The following UGT1A1 variants were observed in gnomAD, a reference collection of about 807,000 sequenced individuals.
UGT1A1 encodes the protein UDP-glucuronosyltransferase 1A1.
Under a neutral mutation model 40.6 loss-of-function variants are expected in UGT1A1, and 33 were observed. That is an observed-to-expected ratio of 0.81 (90% CI 0.62 to 1.09). The LOEUF is 1.09. Ranked by LOEUF, UGT1A1 falls within the 50% of genes least tolerant of loss-of-function variation. UGT1A1 has a pLI of 0.00. For missense variants in UGT1A1, 694 were observed against 671.2 expected (o/e 1.03, Z -0.38); for synonymous variants, 249 against 265.0 (o/e 0.94, Z 0.59).
Position 233,772,859 on chromosome 2 carries a change from T to C in UGT1A1, c.*300T>C. 1.4e-6 allele frequency: 1 copy of C among 698,172 alleles called. No homozygotes were observed. Among genetic ancestry groups the C allele is most frequent in the Non-Finnish European group, 2.1e-6 (1 of 477,226 alleles). The allele number at this position is 698,172 out of a possible 1,614,324, so 43.2% of individuals were successfully genotyped here. On this transcript the variant is annotated 3_prime_UTR_variant, in exon 5 of 5. Transcript: ENST00000305208. ...AGATTACTTTTCTTACTCTGAAACA[T>C]GGCCTGTTTGGGAGTGCGGGATTCA...
chr2:233,761,777 C>T (rs1456855794), intron 1 of UGT1A1, among the ~76,000 whole-genome samples: 1 of 152,206 alleles, frequency 6.6e-6, no homozygotes, highest in Non-Finnish European at 1.5e-5. Context: ...TTCACATCCT[C>T]ATCGAAATCT....
Position 233,769,401 on chromosome 2 carries a change from G to A in UGT1A1, c.1304+962G>A. On this transcript the variant is annotated intron_variant, in intron 4 of 4. Coordinates refer to ENST00000305208, the MANE Select transcript of UGT1A1 (RefSeq NM_000463.3). This position sits in a 1 kb window ranked among gnomAD's most constrained non-coding sequence, Gnocchi z 4.4. ...CCGACAATAGATACTGTGTGCATATGTGCGTGTGCGTTTGTGCATGTGGCT... is the reference window on the plus strand; with the variant it reads ...CCGACAATAGATACTGTGTGCATATATGCGTGTGCGTTTGTGCATGTGGCT... 1 of 1,194,732 alleles carries A rather than the reference G, an allele frequency of 8.4e-7. No homozygotes were observed. 74.0% of individuals were successfully genotyped at this position (1,194,732 alleles called of 1,614,324 possible).
chr2:233,767,698 C>T (rs1699451194), intron 2 of UGT1A1, 151 bp from the exon 3 acceptor site: 8 of 1,500,274 alleles, frequency 5.3e-6, no homozygotes, highest in Non-Finnish European at 6.2e-6. Flanking sequence ...CGGAAGTTGC[C>T]AGTCCTCAGA....
chr2:233,768,483 T>A (rs373208475), intron 4 of UGT1A1, 44 bp downstream of exon 4: 16 of 1,586,602 alleles, frequency 1.0e-5, no homozygotes, highest in Non-Finnish European at 1.4e-5. Flanking sequence ...ATGGCATTCA[T>A]GATAAAATTG....
intron 1 of UGT1A1, among the ~76,000 whole-genome samples, chr2:233,764,582 C>G (rs1698598624): frequency 6.6e-6 from 1 of 152,122 alleles, no homozygotes; most frequent in South Asian, 2.1e-4. Context: ...TAGACTCGGC[C>G]TTTTCCAGAT....
intron 1 of UGT1A1, among the ~76,000 whole-genome samples, chr2:233,766,658 C>A (rs1575821914): frequency 6.6e-6 from 1 of 152,166 alleles, no homozygotes; most frequent in Admixed American, 6.5e-5. Flanking sequence ...AAAGGGACCA[C>A]GCCCTTCCCA....
intron 1 of UGT1A1, among the ~76,000 whole-genome samples, chr2:233,765,887 T>C (rs1279202147): frequency 1.3e-5 from 2 of 152,030 alleles, no homozygotes; most frequent in African/African-American, 2.4e-5. Flanking sequence ...ACTTTCTCAG[T>C]GCGCCACTGC....
chr2:233,769,456 T>C lies in UGT1A1; in HGVS notation c.1304+1017T>C, dbSNP rs1699869173. On this transcript the variant is annotated intron_variant, in intron 4 of 4. Coordinates refer to ENST00000305208, the MANE Select transcript of UGT1A1 (RefSeq NM_000463.3). This position sits in a 1 kb window ranked among gnomAD's most constrained non-coding sequence, Gnocchi z 4.4. ...TCATGTGTGGGTGCACACGTGTGCA[T>C]TCATATGCGTGTGTGTGTGTGTGCG... 2 of 1,598,818 alleles carry C rather than the reference T, an allele frequency of 1.3e-6. No homozygotes were observed. The highest frequency in any genetic ancestry group is 2.2e-5 in the East Asian group (1 of 44,796).
chr2:233,772,509 T>C lies in UGT1A1; in HGVS notation c.1552T>C (p.Leu518=). 1.9e-6 allele frequency: 3 copies of C among 1,614,170 alleles called. No individual in the cohort carries two copies. Among genetic ancestry groups the C allele is most frequent in the Middle Eastern group, 1.6e-4 (1 of 6,062 alleles). ...TTGTGCTTATGGCTACCGGAAATGC[T>C]TGGGGAAAAAAGGGCGAGTTAAGAA... The part of the protein sequence containing the change: ...KCCAYGYRKC[L]GKKGRVKKAH... Residue 518 remains leucine, a synonymous_variant, in exon 5 of 5, where the codon TTG becomes CTG. Transcript: ENST00000305208.
At chr2:233,767,365 A>C (rs559747453) in intron 2 of UGT1A1, among the ~76,000 whole-genome samples, 200 bp downstream of exon 2, 45 of 152,316 alleles carry the variant, frequency 3.0e-4, no homozygotes, top group Non-Finnish European at 4.4e-4. Flanking sequence ...ATACTCTATT[A>C]AACTATGATC....
intron 1 of UGT1A1, among the ~76,000 whole-genome samples, chr2:233,762,481 T>C (rs948381917): frequency 6.6e-6 from 1 of 152,238 alleles, no homozygotes; most frequent in African/African-American, 2.4e-5. Context: ...ATCACTCCAG[T>C]TTTAAATGCT....
chr2:233,760,733 T>G lies in UGT1A1; in HGVS notation c.446T>G (p.Leu149Arg). ...SLAESSFDVM[L>R]TDPFLPCSPI... ...GCAGAAAGCAGCTTTGATGTCATGC[T>G]GACGGACCCTTTCCTTCCTTGCAGC... The change falls in exon 1 of 5, where the codon CTG (leucine) becomes CGG (arginine). Residue 149 changes from leucine to arginine, a missense_variant. Transcript: ENST00000305208. 6.2e-7 allele frequency: 1 copy of G among 1,614,214 alleles called. No homozygotes were observed. Among genetic ancestry groups the G allele is most frequent in the South Asian group, 1.1e-5 (1 of 91,082 alleles).
Position 233,772,408 on chromosome 2 carries a change from A to T in UGT1A1, c.1451A>T (p.Tyr484Phe). The T allele has an allele frequency of 6.2e-7, 1 of 1,614,210 alleles. No homozygotes were observed. Among genetic ancestry groups the T allele is most frequent in the Middle Eastern group, 1.6e-4 (1 of 6,062 alleles). ...CCCGCAGCCCACGACCTCACCTGGT[A>T]CCAGTACCATTCCTTGGACGTGATT... ...LRPAAHDLTW[Y>F]QYHSLDVIGF... Residue 484 changes from tyrosine to phenylalanine, a missense_variant, in exon 5 of 5, where the codon TAC (tyrosine) becomes TTC (phenylalanine). Transcript: ENST00000305208.
chr2:233,772,783 CAGGATGACATGTGCCATTTTTCAG>C lies in UGT1A1; in HGVS notation c.*229_*252del. 7.8e-7 allele frequency: 1 copy of C among 1,277,504 alleles called. No homozygotes were observed. The highest frequency in any genetic ancestry group is 1.0e-6 in the Non-Finnish European group (1 of 966,400). 79.1% of individuals were successfully genotyped at this position (1,277,504 alleles called of 1,614,324 possible). On this transcript the variant is annotated 3_prime_UTR_variant, in exon 5 of 5. Transcript: ENST00000305208. ...TCGTGCCCCCTCTGGTGTCTTTGAT[CAGGATGACATGTGCCATTTTTCAG>C]AGGACGTGCAGACAGGCTGGCATTC... is the stretch of plus-strand genomic sequence containing the variant.
chr2:233,772,009 A>G (rs1267109388), intron 4 of UGT1A1, among the ~76,000 whole-genome samples: 2 of 152,192 alleles, frequency 1.3e-5, no homozygotes, highest in African/African-American at 4.8e-5. Context: ...GCTACTCTGG[A>G]GGCTGAGGCA....
intron 1 of UGT1A1, among the ~76,000 whole-genome samples, chr2:233,764,460 T>C (rs1698566935): frequency 6.6e-6 from 1 of 152,182 alleles, no homozygotes; most frequent in East Asian, 1.9e-4. Flanking sequence ...ACTTTCGTGA[T>C]CTCCTGCTAT....
In UGT1A1 at chr2:233,760,736, C is replaced by T. The variant is rs371418452; in HGVS notation, c.449C>T (p.Thr150Met). ...GAAAGCAGCTTTGATGTCATGCTGA[C>T]GGACCCTTTCCTTCCTTGCAGCCCC... is the stretch of plus-strand genomic sequence containing the variant. ...LAESSFDVML[T>M]DPFLPCSPIV... Residue 150 changes from threonine (T) to methionine (M), a missense_variant, in exon 1 of 5, where the codon ACG becomes ATG. Physicochemically the swap from Thr to Met is moderately conservative, Grantham distance 81. Coordinates refer to ENST00000305208, the MANE Select transcript of UGT1A1 (RefSeq NM_000463.3). The T allele has an allele frequency of 6.2e-7, 1 of 1,614,160 alleles. No homozygotes were observed.
At chr2:233,762,775 C>T (rs1417742267) in intron 1 of UGT1A1, among the ~76,000 whole-genome samples, 1 of 151,182 alleles carries the variant, frequency 6.6e-6, no homozygotes, top group African/African-American at 2.4e-5. Context: ...CTATCTCTAG[C>T]TGATTATCTA....
chr2:233,765,512 A>T (rs1230847041), intron 1 of UGT1A1, among the ~76,000 whole-genome samples: 5 of 152,144 alleles, frequency 3.3e-5, no homozygotes, highest in African/African-American at 1.2e-4. Flanking sequence ...AGGAACAGAA[A>T]ATCAAACACC....
Sources: allele counts gnomAD v4.1 joint callset (sites outside exome capture counted in the v4.1 genomes callset), GRCh38; gene constraint gnomAD v4.1.1; non-coding constraint Gnocchi (gnomAD v3.1); transcripts MANE v1.5; gene names NCBI Gene and HGNC (gene_info 2026-07-23, HGNC 2026-07-21).